The following SKOR2 variants were observed in gnomAD, a reference collection of about 807,000 sequenced individuals.
The protein encoded by SKOR2 is LBX1 corepressor 1-like protein.
A neutral mutation model predicts 69.1 loss-of-function variants in SKOR2; 47 were observed. The ratio of observed to expected loss-of-function variants is 0.68; its 90% confidence interval spans 0.54 to 0.87. The LOEUF is 0.87. Among genes scored for constraint, SKOR2 ranks in the 40% least tolerant of loss-of-function variants. SKOR2 has a pLI of 0.00. For synonymous variants in SKOR2, 717 were observed against 672.6 expected (o/e 1.07, Z -1.02); for missense variants, 1,404 against 1,472.2 (o/e 0.95, Z 0.76).
At chr18:47,243,167 T>C (rs948445786) in intron 4 of SKOR2, among the ~76,000 whole-genome samples, 1 of 152,228 alleles carries the variant, frequency 6.6e-6, no homozygotes, top group African/African-American at 2.4e-5. Context: ...AAGTGCTCAT[T>C]GGTCGTACAA....
chr18:47,245,225 G>A (rs2064266587), intron 3 of SKOR2, among the ~76,000 whole-genome samples: 1 of 152,138 alleles, frequency 6.6e-6, no homozygotes, highest in Admixed American at 6.5e-5. Flanking sequence ...TATGTTTAGA[G>A]GGCAGACATC....
chr18:47,247,076 G>A lies in SKOR2; in HGVS notation c.2108C>T (p.Pro703Leu). The A allele has an allele frequency of 2.2e-6, 3 of 1,384,398 alleles. No homozygotes were observed. The highest frequency in any genetic ancestry group is 2.8e-6 in the Non-Finnish European group (3 of 1,073,132). The allele number at this position is 1,384,398 out of a possible 1,614,324, so 85.8% of individuals were successfully genotyped here. ...CGGGTGCTGGGCCAGAGGGGGCGGC[G>A]GGGGCGGCGGCGGCGGCGGCGGCGG... is the stretch of plus-strand genomic sequence containing the variant. ...PAPPPPPPPP[P>L]PPPLAQHPHH... Residue 703 changes from proline (P) to leucine (L), a missense_variant, in exon 2 of 9, where the codon CCG (proline) becomes CTG (leucine). This residue lies in a region of SKOR2 where 1,266 missense variants were observed against 1,309.9 expected (regional missense o/e 0.97). Coordinates refer to ENST00000425639, the MANE Select transcript of SKOR2 (RefSeq NM_001278063.4). The surrounding 1 kb of genome is among the most constrained non-coding windows in gnomAD (Gnocchi z 6.6).
chr18:47,227,517 G>A (rs894614299), intron 6 of SKOR2, among the ~76,000 whole-genome samples: 2 of 151,864 alleles, frequency 1.3e-5, no homozygotes, highest in Non-Finnish European at 2.9e-5. Context: ...TTCTGGTACA[G>A]ACGAGGTTTC....
chr18:47,242,772 A>G (rs1300837061), intron 4 of SKOR2, among the ~76,000 whole-genome samples: 1 of 152,160 alleles, frequency 6.6e-6, no homozygotes, highest in Non-Finnish European at 1.5e-5. Flanking sequence ...CCAATAGCCG[A>G]CTCCAAGGTA....
At position 47,207,201 on chromosome 18, in the gene SKOR2, G is replaced by A. The variant is rs2064115671; in HGVS notation, c.*4-309C>T. ...AATTTCATGCTCTGGTGCTCTGCTG[G>A]TTTTGATTGGATGGCCCAAGTTACG... On this transcript the variant is annotated intron_variant, in intron 8 of 8. Transcript: ENST00000425639. Among the ~76,000 whole-genome samples, 8 of 152,244 alleles carry A rather than the reference G, an allele frequency of 5.3e-5. No homozygotes were observed. In the South Asian group the frequency reaches 1.7e-3, roughly 32 times the overall value.
In SKOR2 at chr18:47,246,313, T is replaced by C. The variant is rs574154664; in HGVS notation, c.2613+258A>G. ...GTCAATTAAAGGGTCTTTTCCAACT[T>C]CCACAAGCAGCCAGCTGAAATATAA... On this transcript the variant is annotated intron_variant, in intron 2 of 8. Transcript: ENST00000425639. Among the ~76,000 whole-genome samples, 139 of 152,218 alleles carry C rather than the reference T, an allele frequency of 9.1e-4. 1 individual carries two copies. The highest frequency in any genetic ancestry group is 3.1e-3 in the African/African-American group (129 of 41,526).
In SKOR2 at chr18:47,248,345, TG is replaced by T; in HGVS notation, c.838del (p.His280ThrfsTer44). ...CGGCGGCGGGGGCGCACCCAGCAGG[TG>T]GGGGCCCAGCAGACCCCCGCCTCCG... ...VAGGGGLLGP[H>X]LLGAPPPPPP... On this transcript the variant is annotated frameshift_variant, in exon 2 of 9. Transcript: ENST00000425639. LOFTEE classifies it high-confidence loss of function. This position sits in a 1 kb window ranked among gnomAD's most constrained non-coding sequence, Gnocchi z 6.4. 1 of 1,234,750 alleles carries T rather than the reference TG, an allele frequency of 8.1e-7. No individual in the cohort carries two copies. The highest frequency in any genetic ancestry group is 1.0e-6 in the Non-Finnish European group (1 of 995,054). The allele number at this position is 1,234,750 out of a possible 1,614,324, so 76.5% of individuals were successfully genotyped here.
chr18:47,246,330 G>T (rs1245420972), intron 2 of SKOR2, among the ~76,000 whole-genome samples: 1 of 152,156 alleles, frequency 6.6e-6, no homozygotes, highest in East Asian at 1.9e-4. Flanking sequence ...GCAGCCAGCT[G>T]AAATATAAGA....
At position 47,248,722 on chromosome 18, in the gene SKOR2, G is replaced by T. The variant is rs553394854; in HGVS notation, c.462C>A (p.Gly154=). The T allele has an allele frequency of 2.2e-4, 340 of 1,555,426 alleles. No homozygotes were observed. The African/African-American group carries it at 3.2e-3, about 15-fold the overall frequency. ...AFDVSHECAW[G]CRGSFIPARY... ...GCGCGGGAATGAAGCTGCCGCGGCA[G>T]CCCCAGGCGCACTCGTGTGACACGT... is the stretch of plus-strand genomic sequence containing the variant. Residue 154 remains glycine, a synonymous_variant, in exon 2 of 9, where the codon GGC becomes GGA. Transcript: ENST00000425639. This position sits in a 1 kb window ranked among gnomAD's most constrained non-coding sequence, Gnocchi z 6.4.
chr18:47,248,041 T>C lies in SKOR2; in HGVS notation c.1143A>G (p.Pro381=), dbSNP rs1369571593. The change falls in exon 2 of 9, where the codon CCA becomes CCG. Residue 381 remains proline (P), a synonymous_variant. Coordinates refer to ENST00000425639, the MANE Select transcript of SKOR2 (RefSeq NM_001278063.4). The surrounding 1 kb of genome is among the most constrained non-coding windows in gnomAD (Gnocchi z 6.4). The part of the protein sequence containing the change: ...GAGAKGPRSY[P]VIPVPSKGSF... ...AGCCCTTGCTGGGCACCGGGATGAC[T>C]GGGTAGCTGCGCGGGCCTTTGGCCC... is the stretch of plus-strand genomic sequence containing the variant. The C allele has an allele frequency of 2.8e-6, 4 of 1,438,168 alleles. 1 individual carries two copies. The highest frequency in any genetic ancestry group is 5.1e-5 in the Admixed American group (2 of 39,076). The allele number at this position is 1,438,168 out of a possible 1,614,324, so 89.1% of individuals were successfully genotyped here. A position where few individuals can be genotyped will look rare whatever the true frequency, so the allele number is the denominator to read the frequency against.
Position 47,248,237 on chromosome 18 carries a change from T to A in SKOR2, c.947A>T (p.Asp316Val), listed in dbSNP as rs1231759772. ...HKRPRFDDDDDSLQEAAVVAA... is the reference protein window; with the variant it reads ...HKRPRFDDDDVSLQEAAVVAA... ...CACTACGGCGGCCTCCTGCAAGGAG[T>A]CGTCGTCGTCGTCGAAGCGCGGCCG... The change falls in exon 2 of 9, where the codon GAC becomes GTC. Residue 316 changes from aspartate (D) to valine (V), a missense_variant. By Grantham distance (152) the Asp-to-Val change is radical. Around this residue, in one of 3 missense-constraint regions of SKOR2, gnomAD observed 1,266 missense variants for 1,309.9 expected, o/e 0.97. Transcript: ENST00000425639. This position sits in a 1 kb window ranked among gnomAD's most constrained non-coding sequence, Gnocchi z 6.4. 2 of 1,218,530 alleles carry A rather than the reference T, an allele frequency of 1.6e-6. No individual in the cohort carries two copies. The highest frequency in any genetic ancestry group is 6.7e-5 in the East Asian group (2 of 29,784). The allele number at this position is 1,218,530 out of a possible 1,614,324, so 75.5% of individuals were successfully genotyped here.
chr18:47,210,215 G>T (rs539478496), intron 8 of SKOR2, among the ~76,000 whole-genome samples: 3 of 152,176 alleles, frequency 2.0e-5, no homozygotes, highest in Non-Finnish European at 2.9e-5. Context: ...ACCATCGTTG[G>T]GGGTAGGGAG....
chr18:47,249,282 A>T, intron 1 of SKOR2, 52 bp from the exon 2 acceptor site: 1 of 1,361,250 alleles, frequency 7.3e-7, no homozygotes, highest in Non-Finnish European at 9.7e-7. Context: ...ACTAAAACAG[A>T]GGGGTGGGAT....
chr18:47,231,814 G>A (rs538669476), intron 4 of SKOR2, among the ~76,000 whole-genome samples: 4 of 149,224 alleles, frequency 2.7e-5, no homozygotes, highest in Non-Finnish European at 5.9e-5. Flanking sequence ...TTGCACTCCA[G>A]CCTGGGCAAC....
chr18:47,250,075 CA>C (rs963466726), intron 1 of SKOR2, among the ~76,000 whole-genome samples: 1 of 152,176 alleles, frequency 6.6e-6, no homozygotes, highest in Non-Finnish European at 1.5e-5. Flanking sequence ...AACCCAGAAA[CA>C]GTACACAGGA....
intron 4 of SKOR2, among the ~76,000 whole-genome samples, chr18:47,231,708 T>C (rs1271143664): frequency 6.6e-6 from 1 of 151,912 alleles, no homozygotes; most frequent in South Asian, 2.1e-4. Flanking sequence ...CTGGGCGTGG[T>C]GGTGCATGCC....
chr18:47,229,701 T>C (rs1033981678), intron 6 of SKOR2, among the ~76,000 whole-genome samples: 1 of 152,154 alleles, frequency 6.6e-6, no homozygotes, highest in African/African-American at 2.4e-5. Flanking sequence ...CACTTTCCTT[T>C]CTCTGGAGAG....
intron 6 of SKOR2, among the ~76,000 whole-genome samples, chr18:47,230,247 T>A (rs906999823): frequency 2.2e-4 from 34 of 152,092 alleles, no homozygotes; most frequent in Non-Finnish European, 7.4e-5. Flanking sequence ...CATATATCCA[T>A]ACACAAATAC....
intron 6 of SKOR2, among the ~76,000 whole-genome samples, chr18:47,228,847 A>G (rs531976996): frequency 6.6e-6 from 1 of 152,362 alleles, no homozygotes; most frequent in South Asian, 2.1e-4. Flanking sequence ...TAATTATGCT[A>G]TCAAAAGCTA....
Sources: allele counts gnomAD v4.1 joint callset (sites outside exome capture counted in the v4.1 genomes callset), GRCh38; gene constraint gnomAD v4.1.1; regional missense constraint gnomAD v4.1.1; non-coding constraint Gnocchi (gnomAD v3.1); transcripts MANE v1.5; gene names NCBI Gene and HGNC (gene_info 2026-07-23, HGNC 2026-07-21).